Variants in AIFM1 observed in about 807,000 individuals in gnomAD.
The protein encoded by AIFM1 is apoptosis inducing factor mitochondria associated 1.
In AIFM1, 3 loss-of-function variants were observed where a neutral mutation model predicts 51.7. That is an observed-to-expected ratio of 0.06 (90% confidence interval 0.03 to 0.15). The LOEUF is 0.15. Ranked by LOEUF, AIFM1 falls within the 10% of genes least tolerant of loss-of-function variation. The pLI, the probability that AIFM1 is intolerant of heterozygous loss-of-function variation, is 1.00. For synonymous variants in AIFM1, 178 were observed against 179.4 expected (o/e 0.99, Z 0.06); for missense variants, 330 against 476.8 (o/e 0.69, Z 2.87).
At chrX:130,161,531 A>C (rs1022733548) in intron 1 of AIFM1, among the ~76,000 whole-genome samples, 3 of 108,333 alleles carry the variant, frequency 2.8e-5, no homozygotes, top group African/African-American at 6.7e-5. Context: ...AAAAAAAAAA[A>C]ACACAGGACA....
intron 6 of AIFM1, among the ~76,000 whole-genome samples, chrX:130,142,526 G>T (rs189138175): frequency 9.0e-6 from 1 of 111,601 alleles, no homozygotes; most frequent in African/African-American, 3.3e-5. Flanking sequence ...CATCCAATAG[G>T]TCCCACCTTT....
intron 2 of AIFM1, chrX:130,155,228 A>G (rs1050940207): frequency 1.7e-6 from 2 of 1,209,081 alleles, no homozygotes; most frequent in Admixed American, 4.4e-5. Flanking sequence ...CATCTTTCCC[A>G]GAAGCACCTG....
intron 1 of AIFM1, among the ~76,000 whole-genome samples, chrX:130,158,059 T>TA (rs2031228287): frequency 9.1e-6 from 1 of 109,821 alleles, no homozygotes; most frequent in Admixed American, 9.7e-5. Flanking sequence ...GGTTGGGAGT[T>TA]AGAGACCAGC....
intron 5 of AIFM1, among the ~76,000 whole-genome samples, chrX:130,146,548 G>A (rs2124663276): frequency 9.2e-6 from 1 of 109,110 alleles, no homozygotes; most frequent in East Asian, 2.9e-4. Context: ...TATACATCCT[G>A]TTTGAAAATG....
In AIFM1 at chrX:130,130,092, C is replaced by T. The variant is rs751772320; in HGVS notation, c.1648G>A (p.Val550Ile). 1 of 1,211,988 alleles carries T rather than the reference C, an allele frequency of 8.3e-7. No individual in the cohort carries two copies. Among genetic ancestry groups the T allele is most frequent in the South Asian group, 1.8e-5 (1 of 57,001 alleles). Reference sequence around the variant, plus strand: ...TCCCCCTGGACGGGAGCCTGTGGAACTGCCGGGGTGCTGGGAGGAATAGTA... The same window carrying T: ...TCCCCCTGGACGGGAGCCTGTGGAATTGCCGGGGTGCTGGGAGGAATAGTA... ...EITIPPSTPA[V>I]PQAPVQGEDY... is the part of the protein sequence containing the mutation. The change falls in exon 15 of 16, where the codon GTT becomes ATT. Residue 550 changes from valine (V) to isoleucine (I), a missense_variant. Around this residue, in one of 4 missense-constraint regions of AIFM1, gnomAD observed 56 missense variants for 48.8 expected, o/e 1.15. Transcript: ENST00000287295.
At chrX:130,135,450 A>AC (rs1210298377) in intron 12 of AIFM1, among the ~76,000 whole-genome samples, 4 of 107,231 alleles carry the variant, frequency 3.7e-5, no homozygotes, top group Admixed American at 1.0e-4. Context: ...AAAAAAAAAA[A>AC]AAAAAACAAG....
intron 12 of AIFM1, among the ~76,000 whole-genome samples, chrX:130,135,428 CTT>C (rs1556260138): frequency 3.2e-3 from 177 of 54,681 alleles, no homozygotes; most frequent in African/African-American, 9.4e-3. Context: ...TCCAGTACAT[CTT>C]TTTTTTTTTA....
chrX:130,161,064 G>A (rs2031331610), intron 1 of AIFM1, among the ~76,000 whole-genome samples: 1 of 111,174 alleles, frequency 9.0e-6, no homozygotes, highest in Non-Finnish European at 1.9e-5. Context: ...CATTTCTGTA[G>A]GTTTTGTGAT....
At chrX:130,158,511 T>C (rs1278440290) in intron 1 of AIFM1, among the ~76,000 whole-genome samples, 1 of 110,159 alleles carries the variant, frequency 9.1e-6, no homozygotes, top group Non-Finnish European at 1.9e-5. Context: ...GGCTCAAGAA[T>C]GTGCATTTCT....
At chrX:130,138,782 T>C (rs918029470) in intron 8 of AIFM1, 81 bp from the exon 9 acceptor site, 1 of 694,687 alleles carries the variant, frequency 1.4e-6, no homozygotes, top group African/African-American at 2.1e-5. Flanking sequence ...TTCTTCTAAA[T>C]CTTTGGCAAA....
At chrX:130,142,151 G>A (rs1315295099) in intron 6 of AIFM1, among the ~76,000 whole-genome samples, 1 of 111,925 alleles carries the variant, frequency 8.9e-6, no homozygotes, top group Non-Finnish European at 1.9e-5. Context: ...AATTTAACAA[G>A]CACTAACAAT....
At chrX:130,155,270 G>A (rs1433888561) in intron 2 of AIFM1, 2 of 1,210,536 alleles carry the variant, frequency 1.7e-6, no homozygotes, top group South Asian at 3.5e-5. Context: ...GGGATCCTAG[G>A]TGATGAGACT....
intron 1 of AIFM1, among the ~76,000 whole-genome samples, chrX:130,158,244 A>C (rs967326483): frequency 2.7e-5 from 3 of 111,504 alleles, no homozygotes; most frequent in African/African-American, 9.8e-5. Context: ...AGACTGGGCA[A>C]CGAGAGCGAA....
At chrX:130,146,943 TG>T (rs924283242) in intron 5 of AIFM1, among the ~76,000 whole-genome samples, 11 of 112,107 alleles carry the variant, frequency 9.8e-5, no homozygotes, top group Non-Finnish European at 2.1e-4. Flanking sequence ...AGGCGGATCA[TG>T]AGGTCAGGAG....
At chrX:130,153,227 G>T (rs897294652) in intron 2 of AIFM1, among the ~76,000 whole-genome samples, 30 of 104,362 alleles carry the variant, frequency 2.9e-4, no homozygotes, top group Non-Finnish European at 1.4e-4. Flanking sequence ...GCAGGCGCCT[G>T]TAGTCCCAGC....
rs2031515401 is a variant in AIFM1, at chrX:130,165,809, G to A, written c.-153C>T. On this transcript the variant is annotated 5_prime_UTR_variant, in exon 1 of 16. Transcript: ENST00000287295. ...CAGCTCCGGGTGGGCATTGGACAGA[G>A]AAGCCGGCCTGCTAGAGCCGGGGAA... 1 of 536,716 alleles carries A rather than the reference G, an allele frequency of 1.9e-6. No individual in the cohort carries two copies. The highest frequency in any genetic ancestry group is 3.6e-5 in the East Asian group (1 of 27,448). 44.2% of individuals were successfully genotyped at this position (536,716 alleles called of 1,213,427 possible). A position where few individuals can be genotyped will look rare whatever the true frequency, so the allele number is the denominator to read the frequency against.
intron 6 of AIFM1, among the ~76,000 whole-genome samples, chrX:130,145,249 G>C (rs750097751): frequency 5.4e-4 from 61 of 112,236 alleles, no homozygotes; most frequent in South Asian, 1.9e-3. Context: ...GCAAATAGGA[G>C]AGATAACAGC....
rs2031350922 is a variant in AIFM1 at position 130,161,527 on chromosome X, A to C, written c.106+4024T>G. ...CTCTGTTTGAAGAAAAAAAAAAAAA[A>C]AAAAACACAGGACAAGCCTAGATAG... On this transcript the variant is annotated intron_variant, in intron 1 of 15. Transcript: ENST00000287295. Among the ~76,000 whole-genome samples, 4 of 108,572 alleles carry C rather than the reference A, an allele frequency of 3.7e-5. No individual in the cohort carries two copies. In the Admixed American group the frequency reaches 4.0e-4, roughly 11 times the overall value. The allele number at this position is 108,572 out of a possible 115,157, so 94.3% of individuals were successfully genotyped here. A position where few individuals can be genotyped will look rare whatever the true frequency, so the allele number is the denominator to read the frequency against.
At chrX:130,132,245 T>G (rs2030119755) in intron 13 of AIFM1, among the ~76,000 whole-genome samples, 1 of 112,270 alleles carries the variant, frequency 8.9e-6, no homozygotes, top group Non-Finnish European at 1.9e-5. Flanking sequence ...CTGCTGTTGC[T>G]AGAGCATCTA....
Sources: gnomAD v4.1 joint callset for allele counts (sites outside exome capture counted in the v4.1 genomes callset) on GRCh38, gnomAD v4.1.1 for gene constraint, gnomAD v4.1.1 regional missense constraint, MANE v1.5 for transcripts, NCBI Gene and HGNC (gene_info 2026-07-23, HGNC 2026-07-21) for gene names.